The following HAT1 variants were observed in gnomAD, a reference collection of about 807,000 sequenced individuals.
HAT1 encodes the protein histone acetyltransferase type B catalytic subunit.
Under a neutral mutation model 56.6 loss-of-function variants are expected in HAT1, and 20 were observed. The ratio of observed to expected loss-of-function variants is 0.35; its 90% CI spans 0.25 to 0.51. The LOEUF (loss-of-function observed/expected upper bound fraction) is 0.51. HAT1 is among the 20% of genes least tolerant of loss of function. The pLI, the probability that HAT1 is intolerant of heterozygous loss-of-function variation, is 0.95. For synonymous variants in HAT1, 146 were observed against 165.5 expected, an observed-to-expected ratio of 0.88 and a Z score of 0.91; for missense variants, 408 against 504.3, an observed-to-expected ratio of 0.81 and a Z score of 1.83.
chr2:171,979,101 G>A (rs1304075874), intron 9 of HAT1, 146 bp from the exon 10 acceptor site: 10 of 594,068 alleles, frequency 1.7e-5, no homozygotes, highest in Non-Finnish European at 3.1e-5. Flanking sequence ...TAGACTGCTT[G>A]AGGGCAACTA....
At chr2:171,971,570 G>A (rs1687817040) in intron 8 of HAT1, among the ~76,000 whole-genome samples, 7 of 152,154 alleles carry the variant, frequency 4.6e-5, no homozygotes, top group Admixed American at 4.6e-4. Flanking sequence ...TCATTGAATT[G>A]CCTTGGTACT....
intron 5 of HAT1, 73 bp from the exon 6 acceptor site, chr2:171,965,714 A>G: frequency 7.0e-7 from 1 of 1,421,146 alleles, no homozygotes; most frequent in Middle Eastern, 1.8e-4. Flanking sequence ...CCCACAGGAT[A>G]ATTTTGTGTT....
At chr2:171,923,766 A>T (rs562299144) in intron 1 of HAT1, 94 of 152,226 alleles carry the variant, frequency 6.2e-4, no homozygotes, top group Non-Finnish European at 9.0e-4. Context: ...TACTCTAAGA[A>T]TTACATCTAA....
rs375455710 is a variant in HAT1 at position 171,947,110 on chromosome 2, G to A, written c.188+327G>A. On this transcript the variant is annotated intron_variant, in intron 3 of 10. Coordinates refer to ENST00000264108, the MANE Select transcript of HAT1 (RefSeq NM_003642.4). ...AGATTTTAGGCAATCTGACTCCAGA[G>A]CCCATAATCATAACTACTACTTTTT... Among the ~76,000 whole-genome samples, 6 of 152,226 alleles carry A rather than the reference G, an allele frequency of 3.9e-5. No homozygotes were observed. The East Asian group carries it at 1.2e-3, about 29-fold the overall frequency.
At chr2:171,925,974 A>G (rs2105961245) in intron 2 of HAT1, among the ~76,000 whole-genome samples, 1 of 152,360 alleles carries the variant, frequency 6.6e-6, no homozygotes, top group South Asian at 2.1e-4. Context: ...GGATGTGGAA[A>G]AAAACACTTG....
At chr2:171,926,424 G>T (rs1416571878) in intron 2 of HAT1, among the ~76,000 whole-genome samples, 1 of 152,198 alleles carries the variant, frequency 6.6e-6, no homozygotes, top group Non-Finnish European at 1.5e-5. Flanking sequence ...CTCCCGTGTA[G>T]CTGGGATTAC....
intron 4 of HAT1, among the ~76,000 whole-genome samples, chr2:171,962,048 C>T (rs2105332634): frequency 6.6e-6 from 1 of 151,882 alleles, no homozygotes; most frequent in South Asian, 2.1e-4. Context: ...AATGGTGCTG[C>T]TTAAGATAAG....
chr2:171,971,410 A>G (rs991920836), intron 8 of HAT1, among the ~76,000 whole-genome samples: 1 of 152,210 alleles, frequency 6.6e-6, no homozygotes, highest in Non-Finnish European at 1.5e-5. Context: ...ATTTGTAGTC[A>G]GTTTCCTTCC....
intron 3 of HAT1, among the ~76,000 whole-genome samples, chr2:171,950,590 G>A (rs1333604933): frequency 1.3e-5 from 2 of 151,758 alleles, no homozygotes; most frequent in African/African-American, 2.4e-5. Flanking sequence ...TGCAACCTCC[G>A]CCTCTCAGGT....
At chr2:171,969,023 C>A (rs1445136987) in intron 8 of HAT1, among the ~76,000 whole-genome samples, 1 of 152,156 alleles carries the variant, frequency 6.6e-6, no homozygotes, top group Non-Finnish European at 1.5e-5. Flanking sequence ...CACCCATTTT[C>A]ATTTTTTTGC....
At chr2:171,955,082 C>G (rs1687406074) in intron 4 of HAT1, among the ~76,000 whole-genome samples, 1 of 152,150 alleles carries the variant, frequency 6.6e-6, no homozygotes, top group Non-Finnish European at 1.5e-5. Flanking sequence ...CAGAACACCT[C>G]CAGACCGTAA....
At chr2:171,935,412 G>A (rs1477982373) in intron 2 of HAT1, among the ~76,000 whole-genome samples, 1 of 147,862 alleles carries the variant, frequency 6.8e-6, no homozygotes, top group Admixed American at 7.0e-5. Flanking sequence ...CTACTTGGGA[G>A]ACTGAGGCAA....
intron 2 of HAT1, among the ~76,000 whole-genome samples, chr2:171,929,948 A>G (rs1220196646): frequency 6.6e-6 from 1 of 152,158 alleles, no homozygotes; most frequent in African/African-American, 2.4e-5. Context: ...GTTAATTTCT[A>G]TTTAAAAAGT....
At chr2:171,981,811 G>GTGA (rs1275248946) in intron 10 of HAT1, among the ~76,000 whole-genome samples, 1 of 152,082 alleles carries the variant, frequency 6.6e-6, no homozygotes, top group Admixed American at 6.6e-5. Context: ...ATTATTTGAT[G>GTGA]TTATCAATTC....
chr2:171,927,722 G>A (rs1032862932), intron 2 of HAT1, among the ~76,000 whole-genome samples: 1 of 152,066 alleles, frequency 6.6e-6, no homozygotes, highest in Non-Finnish European at 1.5e-5. Flanking sequence ...GTAGTAGCTG[G>A]GATTACAGGC....
In HAT1 at chr2:171,976,713, A is replaced by C. The variant is rs538553531; in HGVS notation, c.975+405A>C. Among the ~76,000 whole-genome samples the C allele has an allele frequency of 3.3e-5, 5 of 152,318 alleles. 1 individual carries two copies. The highest frequency in any genetic ancestry group is 1.2e-4 in the African/African-American group (5 of 41,586). On this transcript the variant is annotated intron_variant, in intron 9 of 10. Transcript: ENST00000264108. ...TTTATATACTTTTATATATTTATTT[A>C]AATTTTAAAGTGGTAAATGTCTTAA...
chr2:171,935,281 G>A (rs1184995978), intron 2 of HAT1, among the ~76,000 whole-genome samples: 2 of 147,818 alleles, frequency 1.4e-5, no homozygotes, highest in Non-Finnish European at 1.5e-5. Context: ...TTGGGAGGCA[G>A]AGGCGGGTGG....
intron 8 of HAT1, among the ~76,000 whole-genome samples, chr2:171,973,783 C>T (rs1253390585): frequency 6.6e-6 from 1 of 152,164 alleles, no homozygotes; most frequent in Non-Finnish European, 1.5e-5. Flanking sequence ...CTGTTCCCCT[C>T]ATCCCCAGGG....
intron 3 of HAT1, among the ~76,000 whole-genome samples, chr2:171,950,535 ACT>A (rs1161546003): frequency 1.6e-5 from 2 of 129,022 alleles, no homozygotes; most frequent in Non-Finnish European, 3.3e-5. Flanking sequence ...ATGGAGTCTC[ACT>A]CTGTTGCCCA....
Sources: allele counts gnomAD v4.1 joint callset (sites outside exome capture counted in the v4.1 genomes callset), GRCh38; gene constraint gnomAD v4.1.1; transcripts MANE v1.5; gene names NCBI Gene and HGNC (gene_info 2026-07-23, HGNC 2026-07-21).